The following PRKG1 variants were observed in gnomAD, a reference collection of about 807,000 sequenced individuals.
The protein encoded by PRKG1 is cGMP-dependent protein kinase 1.
PRKG1 carries 35 observed loss-of-function variants against 88.1 expected under a neutral mutation model. That is an observed-to-expected ratio of 0.40 (90% CI 0.30 to 0.53). PRKG1 has a LOEUF of 0.53. Among genes scored for constraint, PRKG1 ranks in the 20% least tolerant of loss-of-function variants. The pLI is 0.59. For synonymous variants in PRKG1, 303 were observed against 292.5 expected, an observed-to-expected ratio of 1.04 and a Z score of -0.37; for missense variants, 540 against 839.8, an observed-to-expected ratio of 0.64 and a Z score of 4.41.
chr10:51,248,812 A>C (rs1589277873), intron 2 of PRKG1, among the ~76,000 whole-genome samples: 2 of 151,876 alleles, frequency 1.3e-5, no homozygotes, highest in East Asian at 3.9e-4. Context: ...ACAAAAAAAA[A>C]CAACTAATGA....
chr10:51,841,761 C>A (rs1840282030), intron 4 of PRKG1, among the ~76,000 whole-genome samples: 1 of 152,120 alleles, frequency 6.6e-6, no homozygotes, highest in African/African-American at 2.4e-5. Context: ...CAGCTCCCTG[C>A]CACCTCTGCC....
chr10:51,978,029 C>T (rs1843892179), intron 5 of PRKG1, among the ~76,000 whole-genome samples: 1 of 152,020 alleles, frequency 6.6e-6, no homozygotes, highest in African/African-American at 2.4e-5. Flanking sequence ...GCATCTTTGT[C>T]ATGAAATCTT....
intron 4 of PRKG1, among the ~76,000 whole-genome samples, chr10:51,831,613 T>A (rs1840008021): frequency 6.6e-6 from 1 of 152,196 alleles, no homozygotes; most frequent in Non-Finnish European, 1.5e-5. Flanking sequence ...TTCACTACTA[T>A]TCCATCCTTT....
intron 2 of PRKG1, among the ~76,000 whole-genome samples, chr10:51,189,223 C>A (rs558967276): frequency 9.2e-5 from 14 of 151,954 alleles, no homozygotes; most frequent in Non-Finnish European, 1.6e-4. Context: ...GTACTCATAG[C>A]AAACTGAATT....
chr10:51,812,589 T>C (rs76811758), intron 4 of PRKG1, among the ~76,000 whole-genome samples: 1 of 152,218 alleles, frequency 6.6e-6, no homozygotes, highest in Non-Finnish European at 1.5e-5. Context: ...GACCATGACT[T>C]TTTTTGGTGC....
chr10:52,075,692 T>A (rs146296621), intron 7 of PRKG1, among the ~76,000 whole-genome samples: 115 of 152,312 alleles, frequency 7.6e-4, no homozygotes, highest in African/African-American at 2.5e-3. Flanking sequence ...TTTCTCACAG[T>A]TTTAACGGCT....
chr10:51,882,626 A>G (rs1377844485), intron 4 of PRKG1, among the ~76,000 whole-genome samples: 1 of 152,200 alleles, frequency 6.6e-6, no homozygotes, highest in Non-Finnish European at 1.5e-5. Flanking sequence ...TCGCCCCTCT[A>G]TCCCTAGGAT....
At chr10:51,622,488 G>A (rs1366433799) in intron 3 of PRKG1, among the ~76,000 whole-genome samples, 1 of 152,188 alleles carries the variant, frequency 6.6e-6, no homozygotes, top group Non-Finnish European at 1.5e-5. Context: ...CGCATGACCA[G>A]TCACCCAAAC....
At chr10:51,104,975 C>G (rs1197008875) in intron 1 of PRKG1, among the ~76,000 whole-genome samples, 2 of 152,078 alleles carry the variant, frequency 1.3e-5, no homozygotes, top group African/African-American at 4.8e-5. Flanking sequence ...AAGTGATCAC[C>G]CACCCCAGCT....
intron 3 of PRKG1, among the ~76,000 whole-genome samples, chr10:51,610,399 G>GTGC (rs2132243030): frequency 6.6e-6 from 1 of 152,172 alleles, no homozygotes; most frequent in African/African-American, 2.4e-5. Flanking sequence ...TTCTCTTTCT[G>GTGC]TGCCTGGCTT....
chr10:51,664,128 T>G lies in PRKG1; in HGVS notation c.593-140457T>G, dbSNP rs553018912. Reference sequence around the variant, plus strand: ...TTGCTGGAATACAATTTATATTTTCTTGAGTGAAGAAATTTATCTTTAAGT... The same window carrying G: ...TTGCTGGAATACAATTTATATTTTCGTGAGTGAAGAAATTTATCTTTAAGT... On this transcript the variant is annotated intron_variant, in intron 3 of 17. Transcript: ENST00000373980. 2.6e-5 allele frequency among the ~76,000 whole-genome samples: 4 copies of G among 152,290 alleles called. 1 individual carries two copies. The South Asian group carries it at 8.3e-4, about 32-fold the overall frequency.
At chr10:51,358,125 G>A (rs1842405710) in intron 2 of PRKG1, among the ~76,000 whole-genome samples, 1 of 151,870 alleles carries the variant, frequency 6.6e-6, no homozygotes, top group South Asian at 2.1e-4. Context: ...TCATGAGATT[G>A]TAGTCAGGTG....
At chr10:51,526,072 G>T (rs1021534186) in intron 3 of PRKG1, among the ~76,000 whole-genome samples, 1 of 152,054 alleles carries the variant, frequency 6.6e-6, no homozygotes, top group Non-Finnish European at 1.5e-5. Context: ...TACCTGCCTT[G>T]GCCTCCCAAA....
intron 2 of PRKG1, among the ~76,000 whole-genome samples, chr10:51,380,993 C>T (rs1837075111): frequency 1.3e-5 from 2 of 152,014 alleles, no homozygotes; most frequent in Admixed American, 1.3e-4. Context: ...AGAAGTCTCA[C>T]TTTCACTGTG....
intron 7 of PRKG1, among the ~76,000 whole-genome samples, chr10:52,129,830 A>G (rs1837207515): frequency 6.6e-6 from 1 of 152,212 alleles, no homozygotes; most frequent in East Asian, 1.9e-4. Flanking sequence ...AATTTTCATA[A>G]TGATGGACAG....
intron 1 of PRKG1, among the ~76,000 whole-genome samples, chr10:51,053,741 A>G (rs1340485309): frequency 6.6e-6 from 1 of 151,342 alleles, no homozygotes; most frequent in Admixed American, 6.6e-5. Flanking sequence ...GCTTGACCAC[A>G]CAGCCTTATA....
chr10:52,000,069 A>G (rs964490645), intron 5 of PRKG1, among the ~76,000 whole-genome samples: 3 of 152,000 alleles, frequency 2.0e-5, no homozygotes, highest in Non-Finnish European at 2.9e-5. Context: ...TTGTTGTTCC[A>G]TAAAGTTCAC....
At chr10:51,449,811 T>C (rs1386622563) in intron 2 of PRKG1, among the ~76,000 whole-genome samples, 1 of 150,572 alleles carries the variant, frequency 6.6e-6, no homozygotes, top group Non-Finnish European at 1.5e-5. Flanking sequence ...TCTTTACCTG[T>C]CTGGAAGTAG....
chr10:51,523,407 T>A (rs1267680794), intron 3 of PRKG1, among the ~76,000 whole-genome samples: 1 of 152,202 alleles, frequency 6.6e-6, no homozygotes, highest in East Asian at 1.9e-4. Flanking sequence ...CTCCAATACA[T>A]TATCTCATTG....
Sources: allele counts gnomAD v4.1 joint callset (sites outside exome capture counted in the v4.1 genomes callset), GRCh38; gene constraint gnomAD v4.1.1; transcripts MANE v1.5; gene names NCBI Gene and HGNC (gene_info 2026-07-23, HGNC 2026-07-21).